TTLL1: variants seen among roughly 807,000 people sequenced by gnomAD.
The protein encoded by TTLL1 is polyglutamylase complex subunit TTLL1.
A neutral mutation model predicts 47.8 loss-of-function variants in TTLL1; 33 were observed. The ratio of observed to expected loss-of-function variants is 0.69; its 90% CI spans 0.52 to 0.92. The LOEUF is 0.92. TTLL1 is among the 40% of genes least tolerant of loss of function. TTLL1 has a pLI of 0.00. For synonymous variants in TTLL1, 225 were observed against 214.1 expected (o/e 1.05, Z -0.45); for missense variants, 488 against 547.5 (o/e 0.89, Z 1.08).
intron 8 of TTLL1, among the ~76,000 whole-genome samples, chr22:43,056,816 A>G (rs1001697410): frequency 2.6e-5 from 4 of 151,818 alleles, no homozygotes; most frequent in Non-Finnish European, 5.9e-5. Flanking sequence ...CATTAAAGAG[A>G]CAGGGCCTCA....
intron 7 of TTLL1, 148 bp from the exon 8 acceptor site, chr22:43,059,675 G>A: frequency 1.9e-6 from 2 of 1,033,326 alleles, no homozygotes; most frequent in African/African-American, 1.6e-5. Flanking sequence ...CTGCCCCAGG[G>A]AGATCTGGGC....
chr22:43,047,381 G>A (rs1278926991), intron 9 of TTLL1, among the ~76,000 whole-genome samples: 2 of 151,600 alleles, frequency 1.3e-5, no homozygotes, highest in East Asian at 3.9e-4. Context: ...TAAGGCCTCT[G>A]AGAAGCTAAG....
In TTLL1 at chr22:43,060,862, C is replaced by T. The variant is rs563990690; in HGVS notation, c.748-1335G>A. On this transcript the variant is annotated intron_variant, in intron 7 of 10. Coordinates refer to ENST00000266254, the MANE Select transcript of TTLL1 (RefSeq NM_012263.5). ...CCAGCCTACTAACTCTTCGAGCAAA[C>T]ACCACTGACTCAAAGCAGATAAAAG... Among the ~76,000 whole-genome samples the T allele has an allele frequency of 6.0e-4, 92 of 152,320 alleles. 2 individuals carry two copies. In the South Asian group the frequency reaches 8.1e-3, roughly 13 times the overall value.
Position 43,046,444 on chromosome 22 carries a change from G to A in TTLL1, c.1108C>T (p.Pro370Ser). 1 of 1,614,046 alleles carries A rather than the reference G, an allele frequency of 6.2e-7. No individual in the cohort carries two copies. The highest frequency in any genetic ancestry group is 2.2e-5 in the East Asian group (1 of 44,880). Residue 370 changes from proline to serine, a missense_variant, in exon 10 of 11, where the codon CCA becomes TCA. Transcript: ENST00000266254. Reference protein sequence around the residue: ...EIPDCKWNKSPPKEVLGNYEI... With the variant: ...EIPDCKWNKSSPKEVLGNYEI... The stretch of plus-strand genomic sequence containing the variant: ...TAATTGCCGAGGACTTCCTTAGGTG[G>A]CGACTTGTTCCATTTGCAGTCTGGG...
chr22:43,080,080 T>G (rs1173876595), intron 1 of TTLL1, 94 bp from the exon 2 acceptor site: 2 of 152,090 alleles, frequency 1.3e-5, no homozygotes, highest in Non-Finnish European at 2.9e-5. Context: ...TTGAGACAGG[T>G]TCTCACTCTG....
intron 3 of TTLL1, chr22:43,070,152 C>A: frequency 7.1e-7 from 1 of 1,413,730 alleles, no homozygotes; most frequent in Non-Finnish European, 9.5e-7. Flanking sequence ...ATAACACTGT[C>A]AACAAATAAA....
chr22:43,059,015 A>G (rs1927214577), intron 8 of TTLL1, among the ~76,000 whole-genome samples: 1 of 142,906 alleles, frequency 7.0e-6, no homozygotes, highest in Non-Finnish European at 1.5e-5. Context: ...TTTGAGACAG[A>G]GTCTTGCTCT....
intron 1 of TTLL1, among the ~76,000 whole-genome samples, chr22:43,084,962 C>CATTTT (rs1929135142): frequency 8.9e-6 from 1 of 112,734 alleles, no homozygotes; most frequent in African/African-American, 3.7e-5. Flanking sequence ...AAGCTGCCAC[C>CATTTT]TTTTTTTTTT....
At chr22:43,050,627 A>T (rs1406613377) in intron 9 of TTLL1, among the ~76,000 whole-genome samples, 2 of 151,194 alleles carry the variant, frequency 1.3e-5, no homozygotes, top group Non-Finnish European at 2.9e-5. Flanking sequence ...AGTTCAAGCG[A>T]TTCTTCTGCC....
intron 2 of TTLL1, among the ~76,000 whole-genome samples, chr22:43,077,839 G>A (rs768794267): frequency 4.6e-5 from 7 of 152,196 alleles, no homozygotes; most frequent in Non-Finnish European, 8.8e-5. Context: ...GGGCGCGGTG[G>A]CTCACGCCTA....
intron 8 of TTLL1, among the ~76,000 whole-genome samples, chr22:43,052,882 A>G (rs1380189407): frequency 1.3e-5 from 2 of 152,040 alleles, no homozygotes; most frequent in Admixed American, 6.6e-5. Flanking sequence ...AACATGGTGA[A>G]ACCCCGTCTC....
chr22:43,078,556 G>C (rs1928660279), intron 2 of TTLL1, among the ~76,000 whole-genome samples: 1 of 151,950 alleles, frequency 6.6e-6, no homozygotes, highest in African/African-American at 2.4e-5. Flanking sequence ...CAGACTCAAG[G>C]GAGTCCGGGT....
intron 1 of TTLL1, among the ~76,000 whole-genome samples, chr22:43,089,031 T>C (rs1367511622): frequency 6.6e-6 from 1 of 152,098 alleles, no homozygotes; most frequent in Non-Finnish European, 1.5e-5. Flanking sequence ...ATAATAAACA[T>C]AATGATGCAA....
intron 2 of TTLL1, among the ~76,000 whole-genome samples, chr22:43,077,290 T>A (rs1928568845): frequency 6.6e-6 from 1 of 152,132 alleles, no homozygotes; most frequent in South Asian, 2.1e-4. Flanking sequence ...GCCACAGGCC[T>A]CGCACACACT....
At chr22:43,070,439 C>T (rs755300774) in intron 3 of TTLL1, among the ~76,000 whole-genome samples, 6 of 152,018 alleles carry the variant, frequency 3.9e-5, no homozygotes, top group Admixed American at 6.6e-5. Context: ...GGAAGGGGTA[C>T]GGAGGAAGGG....
intron 8 of TTLL1, among the ~76,000 whole-genome samples, chr22:43,056,656 G>C (rs887538714): frequency 2.0e-5 from 3 of 151,244 alleles, no homozygotes; most frequent in Admixed American, 2.0e-4. Context: ...ATGGTGACGC[G>C]CACCTGTAGT....
At chr22:43,089,111 G>C (rs1929441498) in intron 1 of TTLL1, among the ~76,000 whole-genome samples, 166 bp downstream of exon 1, 1 of 152,194 alleles carries the variant, frequency 6.6e-6, no homozygotes, top group Non-Finnish European at 1.5e-5. Flanking sequence ...GGTGGTTAGC[G>C]CGGGCTTCCT....
chr22:43,046,250 C>A (rs557957127), intron 10 of TTLL1, among the ~76,000 whole-genome samples, 160 bp downstream of exon 10: 5 of 152,030 alleles, frequency 3.3e-5, no homozygotes, highest in Admixed American at 6.6e-5. Context: ...AAACAAATTG[C>A]TTTTCTGCTA....
At chr22:43,045,209 C>T (rs1601652264) in intron 10 of TTLL1, among the ~76,000 whole-genome samples, 1 of 152,034 alleles carries the variant, frequency 6.6e-6, no homozygotes, top group Admixed American at 6.6e-5. Context: ...ATGAATGAAC[C>T]ATACTGTGTT....
Sources: gnomAD v4.1 joint callset for allele counts (sites outside exome capture counted in the v4.1 genomes callset) on GRCh38, gnomAD v4.1.1 for gene constraint, MANE v1.5 for transcripts, NCBI Gene and HGNC (gene_info 2026-07-23, HGNC 2026-07-21) for gene names.